KCNJ5: variants seen among roughly 807,000 people sequenced by gnomAD.
KCNJ5 encodes potassium inwardly rectifying channel subfamily J member 5.
In KCNJ5, 12 loss-of-function variants were observed where a neutral mutation model predicts 20.2. The observed-to-expected ratio is 0.59, with a 90% confidence interval of 0.38 to 0.96. The LOEUF (loss-of-function observed/expected upper bound fraction) is 0.96. Among genes scored for constraint, KCNJ5 ranks in the 40% least tolerant of loss-of-function variants. KCNJ5 has a pLI of 0.00. For synonymous variants in KCNJ5, 210 were observed against 213.9 expected (o/e 0.98, Z 0.16); for missense variants, 449 against 557.6 (o/e 0.81, Z 1.96).
rs1944585129 is a variant in KCNJ5 at position 128,916,530 on chromosome 11, T to C, written c.1059T>C (p.Asp353=). Residue 353 remains aspartate, a synonymous_variant, in exon 3 of 3, where the codon GAT becomes GAC. Coordinates refer to ENST00000529694, the MANE Select transcript of KCNJ5 (RefSeq NM_000890.5). The part of the protein sequence containing the change: ...FYEVDYNTFH[D]TYETNTPSCC... ...AGGTGGACTACAACACCTTCCATGATACCTATGAGACCAACACACCCAGCT... is the reference window on the plus strand; with the variant it reads ...AGGTGGACTACAACACCTTCCATGACACCTATGAGACCAACACACCCAGCT... 2 of 1,614,166 alleles carry C rather than the reference T, an allele frequency of 1.2e-6. No individual in the cohort carries two copies. The highest frequency in any genetic ancestry group is 1.7e-6 in the Non-Finnish European group (2 of 1,180,026).
chr11:128,897,622 CAG>C (rs767807212), intron 1 of KCNJ5, among the ~76,000 whole-genome samples: 20 of 152,258 alleles, frequency 1.3e-4, no homozygotes, highest in Non-Finnish European at 2.2e-4. Flanking sequence ...TTCATCTTAA[CAG>C]AGTCTTTTTC....
At chr11:128,892,252 A>G (rs931767771) in intron 1 of KCNJ5, among the ~76,000 whole-genome samples, 1 of 152,240 alleles carries the variant, frequency 6.6e-6, no homozygotes, top group Non-Finnish European at 1.5e-5. Flanking sequence ...CTCCTTTTAA[A>G]GAGCTTTCAA....
intron 1 of KCNJ5, chr11:128,902,595 G>C (rs1445276284): frequency 6.2e-7 from 1 of 1,612,922 alleles, no homozygotes; most frequent in Admixed American, 1.7e-5. Flanking sequence ...TGGGCACTGA[G>C]GGGGTAGCCC....
rs1474775404 is a variant in KCNJ5, at chr11:128,920,430, A to T, written c.*3699A>T. The stretch of plus-strand genomic sequence containing the variant: ...GGCGCTTTTTCACACCCCTTATCTC[A>T]CGGCTTGCTTCCAGCCCCCATCAAT... On this transcript the variant is annotated 3_prime_UTR_variant, in exon 3 of 3. Coordinates refer to ENST00000529694, the MANE Select transcript of KCNJ5 (RefSeq NM_000890.5). The T allele has an allele frequency of 1.3e-5, 2 of 151,902 alleles. No homozygotes were observed. Among genetic ancestry groups the T allele is most frequent in the Non-Finnish European group, 1.5e-5 (1 of 67,984 alleles). 9.4% of individuals were successfully genotyped at this position (151,902 alleles called of 1,614,324 possible). A position where few individuals can be genotyped will look rare whatever the true frequency, so the allele number is the denominator to read the frequency against.
chr11:128,904,446 G>A (rs1944356780), intron 1 of KCNJ5: 26 of 1,614,070 alleles, frequency 1.6e-5, no homozygotes, highest in Non-Finnish European at 2.2e-5. Context: ...GGAGTCACCT[G>A]GGGCCAGATT....
intron 1 of KCNJ5, among the ~76,000 whole-genome samples, chr11:128,908,730 C>T (rs1257906302): frequency 3.9e-5 from 6 of 152,208 alleles, no homozygotes; most frequent in Non-Finnish European, 8.8e-5. Flanking sequence ...CCATGTGCCC[C>T]GGCCAATGAC....
chr11:128,906,196 C>A (rs1944412679), intron 1 of KCNJ5, among the ~76,000 whole-genome samples: 1 of 152,154 alleles, frequency 6.6e-6, no homozygotes, highest in African/African-American at 2.4e-5. Flanking sequence ...TACTGTTATC[C>A]CCATTTTGCA....
chr11:128,910,630 C>T (rs1944482500), intron 1 of KCNJ5, among the ~76,000 whole-genome samples: 1 of 152,212 alleles, frequency 6.6e-6, no homozygotes, highest in Non-Finnish European at 1.5e-5. Context: ...CACTTAACCT[C>T]TTTGGAAGCC....
chr11:128,917,071 C>A lies in KCNJ5; in HGVS notation c.*340C>A. On this transcript the variant is annotated 3_prime_UTR_variant, in exon 3 of 3. Coordinates refer to ENST00000529694, the MANE Select transcript of KCNJ5 (RefSeq NM_000890.5). ...CCTTTTTTGGGTCTCACAGACCCCT[C>A]CAGGGGCTGACACCTAGAGAGAACC... 1 of 223,942 alleles carries A rather than the reference C, an allele frequency of 4.5e-6. No individual in the cohort carries two copies. Among genetic ancestry groups the A allele is most frequent in the Non-Finnish European group, 8.7e-6 (1 of 114,582 alleles). 13.9% of individuals were successfully genotyped at this position (223,942 alleles called of 1,614,324 possible).
chr11:128,893,700 G>T (rs546611372), intron 1 of KCNJ5, among the ~76,000 whole-genome samples: 1 of 3,862 alleles, frequency 2.6e-4, no homozygotes, highest in Non-Finnish European at 4.6e-4. Context: ...CCAAGGGTGA[G>T]GGGGGGGGTC....
chr11:128,900,778 T>C (rs1251580184), intron 1 of KCNJ5: 1 of 152,246 alleles, frequency 6.6e-6, no homozygotes, highest in African/African-American at 2.4e-5. Context: ...AAAAGGGGAC[T>C]AATGTGATAG....
chr11:128,892,431 G>A (rs751287586), intron 1 of KCNJ5, among the ~76,000 whole-genome samples: 1 of 152,170 alleles, frequency 6.6e-6, no homozygotes, highest in Non-Finnish European at 1.5e-5. Context: ...TCCAACCCCA[G>A]GGGCTGTGGA....
Position 128,910,827 on chromosome 11 carries a change from T to C in KCNJ5, c.-10-437T>C, listed in dbSNP as rs151179787. Among the ~76,000 whole-genome samples, 214 of 152,316 alleles carry C rather than the reference T, an allele frequency of 1.4e-3. 1 individual carries two copies. The highest frequency in any genetic ancestry group is 4.9e-3 in the African/African-American group (202 of 41,566). On this transcript the variant is annotated intron_variant, in intron 1 of 2. Transcript: ENST00000529694. ...TTAAGCCTGATTCATAAGCAAACAA[T>C]ATAGTATTTATATAGTGGGGATTCC...
Position 128,891,435 on chromosome 11 carries a change from C to CAGAGAGAGAGAGAGAGAGAGAG in KCNJ5, c.-296_-295insGAGAGAGAGAGAGAGAGAGAGA. Reference sequence around the variant, plus strand: ...ACACACACACACACACACACACACACACACACAGAGAGAGAGAGAGAGAGA... The same window carrying CAGAGAGAGAGAGAGAGAGAGAG: ...ACACACACACACACACACACACACACAGAGAGAGAGAGAGAGAGAGAGACACACAGAGAGAGAGAGAGAGAGA... On this transcript the variant is annotated 5_prime_UTR_variant, in exon 1 of 3. Transcript: ENST00000529694. 1.2e-5 allele frequency: 1 copy of CAGAGAGAGAGAGAGAGAGAGAG among 85,176 alleles called. No individual in the cohort carries two copies. The highest frequency in any genetic ancestry group is 5.1e-4 in the South Asian group (1 of 1,978). The allele number at this position is 85,176 out of a possible 1,614,324, so 5.3% of individuals were successfully genotyped here. A position where few individuals can be genotyped will look rare whatever the true frequency, so the allele number is the denominator to read the frequency against.
chr11:128,895,387 C>CTT (rs975978745), intron 1 of KCNJ5, among the ~76,000 whole-genome samples: 1 of 150,226 alleles, frequency 6.7e-6, no homozygotes, highest in African/African-American at 2.5e-5. Flanking sequence ...CCCCCACCCC[C>CTT]CCCCCAACCC....
rs994124393 is a variant in KCNJ5 at position 128,920,625 on chromosome 11, C to G, written c.*3894C>G. 4.6e-5 allele frequency: 7 copies of G among 152,284 alleles called. No homozygotes were observed. Among genetic ancestry groups the G allele is most frequent in the African/African-American group, 1.7e-4 (7 of 41,474 alleles). 9.4% of individuals were successfully genotyped at this position (152,284 alleles called of 1,614,324 possible). ...CCTGCCGTGGGTCAGGCACTTGATT[C>G]TCAAAACACTGCCGAGAAGCTCTTA... is the stretch of plus-strand genomic sequence containing the variant. On this transcript the variant is annotated 3_prime_UTR_variant, in exon 3 of 3. Coordinates refer to ENST00000529694, the MANE Select transcript of KCNJ5 (RefSeq NM_000890.5).
chr11:128,902,484 C>CA, intron 1 of KCNJ5: 1 of 1,543,238 alleles, frequency 6.5e-7, no homozygotes, highest in South Asian at 1.2e-5. Flanking sequence ...CTTTAAGGAA[C>CA]AGGGATGTCA....
chr11:128,913,403 AC>A, intron 2 of KCNJ5, among the ~76,000 whole-genome samples: 1 of 151,924 alleles, frequency 6.6e-6, no homozygotes, highest in South Asian at 2.1e-4. Context: ...GTAGCCAAGG[AC>A]CCCCCAGTTC....
In KCNJ5 at chr11:128,911,769, A is replaced by T; in HGVS notation, c.496A>T (p.Ile166Leu). Residue 166 changes from isoleucine to leucine, a missense_variant, in exon 2 of 3, where the codon ATA becomes TTA. Physicochemically the swap from Ile to Leu is conservative, Grantham distance 5 (BLOSUM62 2). Coordinates refer to ENST00000529694, the MANE Select transcript of KCNJ5 (RefSeq NM_000890.5). The surrounding 1 kb of genome is among the most constrained non-coding windows in gnomAD (Gnocchi z 6.3). ...VITEKCPEGI[I>L]LLLVQAILGS... ...CACAGAGAAGTGTCCAGAGGGGATT[A>T]TACTCCTCTTGGTCCAGGCCATCCT... is the stretch of plus-strand genomic sequence containing the variant. The T allele has an allele frequency of 6.2e-7, 1 of 1,614,200 alleles. No homozygotes were observed. The highest frequency in any genetic ancestry group is 8.5e-7 in the Non-Finnish European group (1 of 1,180,044).
Sources: gnomAD v4.1 joint callset for allele counts (sites outside exome capture counted in the v4.1 genomes callset) on GRCh38, gnomAD v4.1.1 for gene constraint, Gnocchi (gnomAD v3.1) non-coding constraint, MANE v1.5 for transcripts, NCBI Gene and HGNC (gene_info 2026-07-23, HGNC 2026-07-21) for gene names.